Variants in RANBP2 observed in about 807,000 individuals in gnomAD.
RANBP2 encodes the protein E3 SUMO-protein ligase RanBP2.
A neutral mutation model predicts 303.6 loss-of-function variants in RANBP2; 57 were observed. The observed-to-expected ratio is 0.19, with a 90% CI of 0.15 to 0.23. RANBP2 has a LOEUF of 0.23. Among genes scored for constraint, RANBP2 ranks in the 10% least tolerant of loss-of-function variants. The pLI is 1.00. For synonymous variants in RANBP2, 1,167 were observed against 1,301.5 expected (o/e 0.90, Z 2.23); for missense variants, 3,138 against 3,780.8 (o/e 0.83, Z 4.46).
chr2:108,729,079 A>C, intron 1 of RANBP2, 53 bp from the exon 2 acceptor site: 2 of 1,535,322 alleles, frequency 1.3e-6, no homozygotes, highest in South Asian at 2.3e-5. Context: ...TTTTGAAAAA[A>C]TGTTGGAAAA....
At chr2:109,719,097 CT>C in the RANBP2 span, among the ~76,000 whole-genome samples, 285 of 121,012 alleles carry the variant, frequency 2.4e-3, 4 homozygotes, top group Middle Eastern at 5.5e-3. Context: ...TGAATTATAT[CT>C]TTTTTTTTTT....
At chr2:109,657,714 G>GT in the RANBP2 span, among the ~76,000 whole-genome samples, 8,462 of 82,156 alleles carry the variant, frequency 0.1, 911 homozygotes, top group African/African-American at 0.18. Flanking sequence ...AATTAGCTGA[G>GT]TTTTTTTTTT....
chr2:109,764,317 C>T, the RANBP2 span, among the ~76,000 whole-genome samples: 8 of 146,614 alleles, frequency 5.5e-5, no homozygotes, highest in African/African-American at 2.0e-4. Context: ...GCTGCCCCCT[C>T]CACTCCCTGG....
the RANBP2 span, among the ~76,000 whole-genome samples, chr2:109,223,795 A>G: frequency 5.9e-5 from 9 of 152,204 alleles, no homozygotes; most frequent in Non-Finnish European, 1.3e-4. Context: ...CTGGCACATG[A>G]AAGTGTTCAA....
chr2:109,201,537 TC>T, the RANBP2 span, among the ~76,000 whole-genome samples: 1 of 152,262 alleles, frequency 6.6e-6, no homozygotes, highest in South Asian at 2.1e-4. Context: ...GGGTCTCCCC[TC>T]CCTGGTTTGG....
chr2:109,415,858 C>T, the RANBP2 span, among the ~76,000 whole-genome samples: 6 of 152,192 alleles, frequency 3.9e-5, no homozygotes, highest in Non-Finnish European at 8.8e-5. Flanking sequence ...TTTAATCCCC[C>T]AGGCGCAGCA....
chr2:109,646,612 C>G, the RANBP2 span, among the ~76,000 whole-genome samples: 6 of 152,048 alleles, frequency 3.9e-5, no homozygotes, highest in Admixed American at 3.3e-4. Context: ...CTGCATCAGC[C>G]TCCCGAATAG....
At chr2:108,958,520 G>A in the RANBP2 span, among the ~76,000 whole-genome samples, 1 of 152,176 alleles carries the variant, frequency 6.6e-6, no homozygotes, top group African/African-American at 2.4e-5. Context: ...GCAGAACAGG[G>A]GGGCATGGCA....
the RANBP2 span, among the ~76,000 whole-genome samples, chr2:109,598,636 A>T: frequency 5.3e-5 from 8 of 152,000 alleles, no homozygotes; most frequent in African/African-American, 1.4e-4. Flanking sequence ...TGAGGTCAGG[A>T]GGTCAACACC....
At chr2:109,470,914 G>T in the RANBP2 span, among the ~76,000 whole-genome samples, 2 of 152,168 alleles carry the variant, frequency 1.3e-5, no homozygotes, top group African/African-American at 4.8e-5. Context: ...TTTTCACACT[G>T]CTGTAAAGAA....
At chr2:109,559,976 A>G in the RANBP2 span, among the ~76,000 whole-genome samples, 6 of 137,006 alleles carry the variant, frequency 4.4e-5, no homozygotes, top group Non-Finnish European at 9.0e-5. Context: ...GCTGGAGTGC[A>G]GTGGCATGAT....
the RANBP2 span, among the ~76,000 whole-genome samples, chr2:109,645,699 C>G: frequency 6.6e-6 from 1 of 152,146 alleles, no homozygotes; most frequent in Non-Finnish European, 1.5e-5. Context: ...GTGGACAAAC[C>G]TCTTTCTGCC....
chr2:108,781,580 G>A (rs1678261106), intron 26 of RANBP2, 151 bp downstream of exon 26: 1 of 690,432 alleles, frequency 1.4e-6, no homozygotes, highest in African/African-American at 1.8e-5. Context: ...TAGCCTTTAA[G>A]TATAAATTAT....
the RANBP2 span, among the ~76,000 whole-genome samples, chr2:109,036,956 C>T: frequency 6.6e-6 from 1 of 152,212 alleles, no homozygotes; most frequent in Non-Finnish European, 1.5e-5. Context: ...CCAGCCTGGC[C>T]AACATGGTGA....
the RANBP2 span, among the ~76,000 whole-genome samples, chr2:109,226,800 T>G: frequency 3.9e-4 from 59 of 152,304 alleles, no homozygotes; most frequent in African/African-American, 1.3e-3. Flanking sequence ...TGTGGCTTAG[T>G]AAGAAGAACA....
At chr2:109,137,956 G>A in the RANBP2 span, among the ~76,000 whole-genome samples, 5 of 152,254 alleles carry the variant, frequency 3.3e-5, no homozygotes, top group East Asian at 1.9e-4. Flanking sequence ...TGGAGGTGTT[G>A]CCTGTGTGGA....
the RANBP2 span, among the ~76,000 whole-genome samples, chr2:108,917,759 C>G: frequency 1.1e-4 from 16 of 152,036 alleles, no homozygotes; most frequent in African/African-American, 3.9e-4. Flanking sequence ...CTGCCACTGT[C>G]ACTACACATA....
the RANBP2 span, among the ~76,000 whole-genome samples, chr2:109,602,192 A>G: frequency 3.8e-4 from 58 of 152,266 alleles, no homozygotes; most frequent in Admixed American, 1.7e-3. Flanking sequence ...ATCCCTTTCA[A>G]CTCAGATTTT....
At chr2:109,720,279 TCACACACACACA>T in the RANBP2 span, among the ~76,000 whole-genome samples, 1 of 143,972 alleles carries the variant, frequency 6.9e-6, no homozygotes, top group Admixed American at 7.0e-5. Flanking sequence ...ACACATACAC[TCACACACACACA>T]CACATATATA....
Sources: gnomAD v4.1 joint callset for allele counts (sites outside exome capture counted in the v4.1 genomes callset) on GRCh38, gnomAD v4.1.1 for gene constraint, MANE v1.5 for transcripts, NCBI Gene and HGNC (gene_info 2026-07-23, HGNC 2026-07-21) for gene names.